The following LTBP2 variants were observed in gnomAD, a reference collection of about 807,000 sequenced individuals.
LTBP2 encodes the protein latent-transforming growth factor beta-binding protein 2.
A neutral mutation model predicts 210.6 loss-of-function variants in LTBP2; 103 were observed. The observed-to-expected ratio is 0.49, with a 90% CI of 0.42 to 0.58. The LOEUF (loss-of-function observed/expected upper bound fraction) is 0.58, where lower values mean the gene tolerates loss of function less well. Among genes scored for constraint, LTBP2 ranks in the 20% least tolerant of loss-of-function variants. The pLI is 0.00. For missense variants in LTBP2, 2,313 were observed against 2,494.5 expected, an observed-to-expected ratio of 0.93 and a Z score of 1.55; for synonymous variants, 1,007 against 1,015.0, an observed-to-expected ratio of 0.99 and a Z score of 0.15.
At position 74,502,945 on chromosome 14, in the gene LTBP2, G is replaced by A. The variant is rs1228970134; in HGVS notation, c.4889-11C>T. On this transcript the variant is annotated splice_polypyrimidine_tract_variant and intron_variant, in intron 33 of 35. Transcript: ENST00000261978. ...GCTGAGCATAGACCTCTGTCAGGGA[G>A]GAGGGAGAGAAGGAGCTGGGTTCTA... is the stretch of plus-strand genomic sequence containing the variant. 6.2e-7 allele frequency: 1 copy of A among 1,610,340 alleles called. No individual in the cohort carries two copies. The highest frequency in any genetic ancestry group is 1.1e-5 in the South Asian group (1 of 90,992).
intron 2 of LTBP2, among the ~76,000 whole-genome samples, chr14:74,601,468 G>A (rs1377502006): frequency 2.0e-5 from 3 of 152,236 alleles, no homozygotes; most frequent in African/African-American, 7.2e-5. Context: ...CTGAGGGCCT[G>A]ACCTCTGAGC....
In LTBP2 at chr14:74,507,715, G is replaced by A. The variant is rs567284994; in HGVS notation, c.3775+258C>T. On this transcript the variant is annotated intron_variant, in intron 25 of 35. Transcript: ENST00000261978. ...TCTATTTGTCCTAGCAAAAGACATT[G>A]AGCATAGCAGGTGTTTAATGTCTAT... Among the ~76,000 whole-genome samples, 12 of 152,322 alleles carry A rather than the reference G, an allele frequency of 7.9e-5. No individual in the cohort carries two copies. The East Asian group carries it at 2.1e-3, about 27-fold the overall frequency.
chr14:74,558,526 G>A (rs911387621), intron 3 of LTBP2, among the ~76,000 whole-genome samples: 1 of 152,262 alleles, frequency 6.6e-6, no homozygotes, highest in African/African-American at 2.4e-5. Context: ...CCATGCTCAG[G>A]TTAGTGGCAG....
At chr14:74,603,826 G>A in intron 1 of LTBP2, 121 bp from the exon 2 acceptor site, 1 of 803,958 alleles carries the variant, frequency 1.2e-6, no homozygotes, top group South Asian at 1.4e-5. Flanking sequence ...AGGCTGGGAA[G>A]GCTGTCCCTA....
chr14:74,501,124 G>T (rs1321227065), intron 35 of LTBP2, 95 bp from the exon 36 acceptor site: 2 of 1,425,484 alleles, frequency 1.4e-6, no homozygotes, highest in Non-Finnish European at 1.9e-6. Context: ...CACTGCCCTA[G>T]AGTGAAACCC....
intron 3 of LTBP2, among the ~76,000 whole-genome samples, chr14:74,573,631 T>C (rs770975205): frequency 2.6e-5 from 4 of 152,176 alleles, no homozygotes; most frequent in Non-Finnish European, 4.4e-5. Flanking sequence ...ACCTGGAGGG[T>C]AAGAGCTTGC....
In LTBP2 at chr14:74,603,641, T is replaced by C. The variant is rs1350626774; in HGVS notation, c.559A>G (p.Ile187Val). ...TACTGGTGGAGGCACTCACGTTTGA[T>C]ACAGTGGTTGGTGCTGTTTGCTGTT... is the stretch of plus-strand genomic sequence containing the variant. Reference protein sequence around the residue: ...WTTANSTNHCIKPVCEPPCQN... With the variant: ...WTTANSTNHCVKPVCEPPCQN... The change falls in exon 2 of 36, where the codon ATC becomes GTC. Residue 187 changes from isoleucine to valine, a missense_variant. This residue lies in a region of LTBP2 where 1,867 missense variants were observed against 1,976.9 expected (regional missense o/e 0.94). Coordinates refer to ENST00000261978, the MANE Select transcript of LTBP2 (RefSeq NM_000428.3). The C allele has an allele frequency of 1.2e-6, 2 of 1,614,194 alleles. No individual in the cohort carries two copies. The highest frequency in any genetic ancestry group is 4.5e-5 in the East Asian group (2 of 44,878).
chr14:74,499,412 G>T lies in LTBP2; in HGVS notation c.*1472C>A, dbSNP rs908919518. 1 of 224,316 alleles carries T rather than the reference G, an allele frequency of 4.5e-6. No homozygotes were observed. The highest frequency in any genetic ancestry group is 6.5e-5 in the East Asian group (1 of 15,412). The allele number at this position is 224,316 out of a possible 1,614,324, so 13.9% of individuals were successfully genotyped here. On this transcript the variant is annotated 3_prime_UTR_variant, in exon 36 of 36. Transcript: ENST00000261978. Reference sequence around the variant, plus strand: ...GATAATTAAATGAAATGTATGTATGGCACTCAGCACAGTGCCTGGCACATG... The same window carrying T: ...GATAATTAAATGAAATGTATGTATGTCACTCAGCACAGTGCCTGGCACATG...
At chr14:74,510,056 G>T in intron 20 of LTBP2, 35 bp downstream of exon 20, 1 of 1,613,774 alleles carries the variant, frequency 6.2e-7, no homozygotes, top group Non-Finnish European at 8.5e-7. Flanking sequence ...AGCTGGATCG[G>T]CCTGCGGAGA....
chr14:74,516,618 G>C (rs1265324443), intron 18 of LTBP2, among the ~76,000 whole-genome samples: 1 of 152,156 alleles, frequency 6.6e-6, no homozygotes, highest in East Asian at 1.9e-4. Flanking sequence ...CCCTGCTGCA[G>C]GTGGCAGACA....
chr14:74,568,193 C>T (rs1284466415), intron 3 of LTBP2, among the ~76,000 whole-genome samples: 2 of 152,282 alleles, frequency 1.3e-5, no homozygotes, highest in East Asian at 3.9e-4. Context: ...TAGATTTTGG[C>T]CCCAGGGTTC....
Position 74,585,876 on chromosome 14 carries a change from C to T in LTBP2, c.808G>A (p.Ala270Thr), listed in dbSNP as rs1398441036. The change falls in exon 3 of 36, where the codon GCA (alanine) becomes ACA (threonine). Residue 270 changes from alanine to threonine, a missense_variant. Around this residue, in one of 3 missense-constraint regions of LTBP2, gnomAD observed 1,867 missense variants for 1,976.9 expected, o/e 0.94. Coordinates refer to ENST00000261978, the MANE Select transcript of LTBP2 (RefSeq NM_000428.3). Reference protein sequence around the residue: ...AQPPAPQSPPAPQSPPAGTLS... With the variant: ...AQPPAPQSPPTPQSPPAGTLS... ...TACCCAGCTGGTGGCGACTGTGGTG[C>T]GGGCGGCGACTGTGGTGCTGGCGGC... 16 of 1,613,196 alleles carry T rather than the reference C, an allele frequency of 9.9e-6. No individual in the cohort carries two copies. Among genetic ancestry groups the T allele is most frequent in the South Asian group, 2.2e-5 (2 of 91,084 alleles).
At chr14:74,584,126 G>T (rs2088173411) in intron 3 of LTBP2, among the ~76,000 whole-genome samples, 1 of 152,186 alleles carries the variant, frequency 6.6e-6, no homozygotes, top group Admixed American at 6.5e-5. Flanking sequence ...CCAGAGCACA[G>T]GCCACTGGGT....
chr14:74,581,705 A>C (rs574640910), intron 3 of LTBP2, among the ~76,000 whole-genome samples: 1 of 152,322 alleles, frequency 6.6e-6, no homozygotes, highest in African/African-American at 2.4e-5. Context: ...CCTTGATTTC[A>C]GCCTGGTGAG....
chr14:74,516,607 C>T (rs1196650610), intron 18 of LTBP2, among the ~76,000 whole-genome samples: 1 of 152,108 alleles, frequency 6.6e-6, no homozygotes, highest in Non-Finnish European at 1.5e-5. Context: ...TGTTCATGCT[C>T]CCCTGCTGCA....
chr14:74,530,860 T>G lies in LTBP2; in HGVS notation c.1987+1566A>C, dbSNP rs116170126. 1.3e-3 allele frequency among the ~76,000 whole-genome samples: 202 copies of G among 152,332 alleles called. 3 individuals are homozygous for G. Among genetic ancestry groups the G allele is most frequent in the African/African-American group, 4.8e-3 (200 of 41,570 alleles). ...TAAGGCAGTTTGAGTTTGGTTTCTG[T>G]CACTTGCAATCCAAAGACTCCCGAT... On this transcript the variant is annotated intron_variant, in intron 10 of 35. Transcript: ENST00000261978.
intron 9 of LTBP2, among the ~76,000 whole-genome samples, chr14:74,533,474 C>A (rs774558076): frequency 6.6e-6 from 1 of 152,188 alleles, no homozygotes; most frequent in Non-Finnish European, 1.5e-5. Context: ...CCTGAAGCAC[C>A]TCTGCAGGCC....
intron 4 of LTBP2, 105 bp from the exon 5 acceptor site, chr14:74,553,167 A>C: frequency 5.2e-6 from 6 of 1,146,352 alleles, no homozygotes; most frequent in Non-Finnish European, 5.1e-6. Context: ...CATTCATCTC[A>C]AGGGCATTTG....
At chr14:74,594,105 C>T (rs561094144) in intron 2 of LTBP2, among the ~76,000 whole-genome samples, 13 of 152,262 alleles carry the variant, frequency 8.5e-5, no homozygotes, top group Admixed American at 4.6e-4. Flanking sequence ...GACTCAAACA[C>T]GTCTCCAGGG....
Sources: gnomAD v4.1 joint callset for allele counts (sites outside exome capture counted in the v4.1 genomes callset) on GRCh38, gnomAD v4.1.1 for gene constraint, gnomAD v4.1.1 regional missense constraint, MANE v1.5 for transcripts, NCBI Gene and HGNC (gene_info 2026-07-23, HGNC 2026-07-21) for gene names.